The following ELL variants were observed in gnomAD, a reference collection of about 807,000 sequenced individuals.
The protein encoded by ELL is RNA polymerase II elongation factor ELL.
ELL carries 18 observed loss-of-function variants against 64.0 expected under a neutral mutation model. That is an observed-to-expected ratio of 0.28 (90% CI 0.19 to 0.42). ELL has a LOEUF of 0.42. Among genes scored for constraint, ELL ranks in the 10% least tolerant of loss-of-function variants. ELL has a pLI of 1.00. For synonymous variants in ELL, 399 were observed against 376.2 expected, an observed-to-expected ratio of 1.06 and a Z score of -0.70; for missense variants, 797 against 870.4, an observed-to-expected ratio of 0.92 and a Z score of 1.06.
intron 1 of ELL, 86 bp downstream of exon 1, chr19:18,521,835 G>A: frequency 6.7e-7 from 1 of 1,481,582 alleles, no homozygotes; most frequent in Non-Finnish European, 9.0e-7. Context: ...TAGCGTCTCC[G>A]AGCCCGGACG....
rs1243695084 is a variant in ELL, at chr19:18,444,331, G to T, written c.*421C>A. The T allele has an allele frequency of 4.2e-6, 1 of 240,686 alleles. No homozygotes were observed. Among genetic ancestry groups the T allele is most frequent in the Non-Finnish European group, 8.2e-6 (1 of 122,252 alleles). The allele number at this position is 240,686 out of a possible 1,614,324, so 14.9% of individuals were successfully genotyped here. ...TAGACCCTGGGTGTCCGAGGAGAGG[G>T]AGGCACAGGTTTAGAAAAAAGATTT... On this transcript the variant is annotated 3_prime_UTR_variant, in exon 12 of 12. Transcript: ENST00000262809.
Position 18,501,725 on chromosome 19 carries a change from A to T in ELL, c.135+20196T>A, listed in dbSNP as rs1389194072. 6.6e-6 allele frequency among the ~76,000 whole-genome samples: 1 copy of T among 152,218 alleles called. No homozygotes were observed. Among genetic ancestry groups the T allele is most frequent in the Non-Finnish European group, 1.5e-5 (1 of 68,040 alleles). On this transcript the variant is annotated intron_variant, in intron 1 of 11. Coordinates refer to ENST00000262809, the MANE Select transcript of ELL (RefSeq NM_006532.4). This position sits in a 1 kb window ranked among gnomAD's most constrained non-coding sequence, Gnocchi z 4.5. ...CCAAGAGGTGATGGCATCACATAAAAGCAAAAGAAACTTGAAACCACCAAT... is the reference window on the plus strand; with the variant it reads ...CCAAGAGGTGATGGCATCACATAAATGCAAAAGAAACTTGAAACCACCAAT...
chr19:18,474,349 C>T lies in ELL; in HGVS notation c.136-1467G>A, dbSNP rs147630854. 3.6e-3 allele frequency among the ~76,000 whole-genome samples: 546 copies of T among 152,336 alleles called. 5 individuals are homozygous for T. Among genetic ancestry groups the T allele is most frequent in the African/African-American group, 0.013 (521 of 41,576 alleles). ...TGCCCAGAGTGGGAGGCACCGAGTGCCTCACTTTGGTCTACCAGGAGCCCC... is the reference window on the plus strand; with the variant it reads ...TGCCCAGAGTGGGAGGCACCGAGTGTCTCACTTTGGTCTACCAGGAGCCCC... On this transcript the variant is annotated intron_variant, in intron 1 of 11. Coordinates refer to ENST00000262809, the MANE Select transcript of ELL (RefSeq NM_006532.4).
At chr19:18,468,204 C>A (rs1392220577) in intron 2 of ELL, among the ~76,000 whole-genome samples, 1 of 141,374 alleles carries the variant, frequency 7.1e-6, no homozygotes, top group Non-Finnish European at 1.5e-5. Context: ...ACAAACACAA[C>A]CCCCACACAC....
At chr19:18,510,385 G>A (rs1035648235) in intron 1 of ELL, among the ~76,000 whole-genome samples, 1 of 152,152 alleles carries the variant, frequency 6.6e-6, no homozygotes, top group Non-Finnish European at 1.5e-5. Context: ...AACAAAAAGA[G>A]AAACCTGCAT....
rs1333063197 is a variant in ELL at position 18,444,120 on chromosome 19, C to A, written c.*632G>T. 1 of 230,686 alleles carries A rather than the reference C, an allele frequency of 4.3e-6. No homozygotes were observed. The highest frequency in any genetic ancestry group is 8.6e-6 in the Non-Finnish European group (1 of 116,422). 14.3% of individuals were successfully genotyped at this position (230,686 alleles called of 1,614,324 possible). On this transcript the variant is annotated 3_prime_UTR_variant, in exon 12 of 12. Transcript: ENST00000262809. ...CCAGCTGGAGTTCTCAAAATAGCCA[C>A]CTGGGCCACCCTGTTTGCTTGCTGG...
At chr19:18,519,376 A>G (rs1409786586) in intron 1 of ELL, among the ~76,000 whole-genome samples, 1 of 152,156 alleles carries the variant, frequency 6.6e-6, no homozygotes, top group Non-Finnish European at 1.5e-5. Context: ...TAACCAGTAT[A>G]TTTCTCTGGT....
At chr19:18,507,788 A>T (rs146944751) in intron 1 of ELL, among the ~76,000 whole-genome samples, 2 of 152,310 alleles carry the variant, frequency 1.3e-5, no homozygotes, top group East Asian at 3.9e-4. Context: ...CACGCAGCTG[A>T]GGCTCAGCTC....
chr19:18,480,918 G>A (rs1568388301), intron 1 of ELL, among the ~76,000 whole-genome samples: 1 of 152,202 alleles, frequency 6.6e-6, no homozygotes, highest in Non-Finnish European at 1.5e-5. Flanking sequence ...ACAGGTGTGA[G>A]CCACCGCACC....
At chr19:18,507,325 G>A (rs2144971400) in intron 1 of ELL, among the ~76,000 whole-genome samples, 1 of 152,368 alleles carries the variant, frequency 6.6e-6, no homozygotes, top group East Asian at 1.9e-4. Context: ...TAAGAAGAGT[G>A]AAAACAGGCC....
At position 18,472,968 on chromosome 19, in the gene ELL, G is replaced by A. The variant is rs1008282337; in HGVS notation, c.136-86C>T. ...CCCAAAGACTCCCTCCCCAGGTATA[G>A]AAGGAGCAGGGTGAAGATGGTGTTC... On this transcript the variant is annotated intron_variant, in intron 1 of 11. Coordinates refer to ENST00000262809, the MANE Select transcript of ELL (RefSeq NM_006532.4). 21 of 1,432,632 alleles carry A rather than the reference G, an allele frequency of 1.5e-5. No homozygotes were observed. In the African/African-American group the frequency reaches 2.8e-4, roughly 19 times the overall value. The allele number at this position is 1,432,632 out of a possible 1,614,324, so 88.7% of individuals were successfully genotyped here.
At position 18,511,981 on chromosome 19, in the gene ELL, C is replaced by T. The variant is rs978467589; in HGVS notation, c.135+9940G>A. 4.6e-5 allele frequency among the ~76,000 whole-genome samples: 7 copies of T among 151,856 alleles called. 1 individual carries two copies. The highest frequency in any genetic ancestry group is 1.7e-4 in the African/African-American group (7 of 41,356). ...ACCAGCCTGGCCAAGATGGTGAAACCCCGTCTCTACTAAAAATACAAAAAT... is the reference window on the plus strand; with the variant it reads ...ACCAGCCTGGCCAAGATGGTGAAACTCCGTCTCTACTAAAAATACAAAAAT... On this transcript the variant is annotated intron_variant, in intron 1 of 11. Transcript: ENST00000262809.
intron 1 of ELL, among the ~76,000 whole-genome samples, chr19:18,515,919 C>T (rs1976118186): frequency 6.6e-6 from 1 of 152,162 alleles, no homozygotes; most frequent in Admixed American, 6.5e-5. Flanking sequence ...GGACCATAAA[C>T]TTCCTCTCCC....
chr19:18,482,011 A>T (rs1975309185), intron 1 of ELL, among the ~76,000 whole-genome samples: 1 of 152,134 alleles, frequency 6.6e-6, no homozygotes, highest in Admixed American at 6.6e-5. Context: ...ATCCACGTCA[A>T]CATTTAGTGC....
At chr19:18,477,513 C>T (rs145629778) in intron 1 of ELL, among the ~76,000 whole-genome samples, 4 of 152,266 alleles carry the variant, frequency 2.6e-5, no homozygotes, top group East Asian at 3.9e-4. Context: ...ACTACCAGGT[C>T]GTGGCGCATC....
intron 1 of ELL, among the ~76,000 whole-genome samples, chr19:18,480,923 C>T (rs150230045): frequency 0.034 from 5,126 of 152,230 alleles, 151 homozygotes; most frequent in African/African-American, 0.082. Context: ...TGTGAGCCAC[C>T]GCACCCAGCC....
Position 18,450,458 on chromosome 19 carries a change from C to T in ELL, c.1465+19G>A. On this transcript the variant is annotated intron_variant, in intron 8 of 11. Transcript: ENST00000262809. ...CAGTACTTAGAGCCCCGGCAACGCC[C>T]TCCTGCCTGGGCACCTACCTGGGGT... 6.2e-7 allele frequency: 1 copy of T among 1,608,928 alleles called. No homozygotes were observed. Among genetic ancestry groups the T allele is most frequent in the South Asian group, 1.1e-5 (1 of 90,856 alleles).
intron 4 of ELL, among the ~76,000 whole-genome samples, chr19:18,462,365 T>TG (rs1295088969): frequency 1.3e-3 from 52 of 38,806 alleles, no homozygotes; most frequent in African/African-American, 4.1e-3. Flanking sequence ...GTGTGTGTGT[T>TG]TGGGCGGGGG....
intron 1 of ELL, among the ~76,000 whole-genome samples, chr19:18,521,025 C>G (rs1976257448): frequency 6.6e-6 from 1 of 151,898 alleles, no homozygotes; most frequent in Non-Finnish European, 1.5e-5. Context: ...CAGCAGCCTC[C>G]CCTCCCCACC....
Sources: gnomAD v4.1 joint callset for allele counts (sites outside exome capture counted in the v4.1 genomes callset) on GRCh38, gnomAD v4.1.1 for gene constraint, Gnocchi (gnomAD v3.1) non-coding constraint, MANE v1.5 for transcripts, NCBI Gene and HGNC (gene_info 2026-07-23, HGNC 2026-07-21) for gene names.